The following PRLR variants were observed in gnomAD, a reference collection of about 807,000 sequenced individuals.
The protein encoded by PRLR is prolactin receptor.
PRLR carries 13 observed loss-of-function variants against 40.2 expected under a neutral mutation model. The observed-to-expected ratio is 0.32, with a 90% CI of 0.21 to 0.51. The LOEUF (loss-of-function observed/expected upper bound fraction) is 0.51. PRLR is among the 20% of genes least tolerant of loss of function. The pLI is 0.97. For missense variants in PRLR, 656 were observed against 747.3 expected, an observed-to-expected ratio of 0.88 and a Z score of 1.42; for synonymous variants, 269 against 278.7, an observed-to-expected ratio of 0.97 and a Z score of 0.35.
intron 1 of PRLR, among the ~76,000 whole-genome samples, chr5:35,218,122 G>A (rs1243188807): frequency 6.6e-6 from 1 of 152,160 alleles, no homozygotes; most frequent in Non-Finnish European, 1.5e-5. Flanking sequence ...ATTCACTGAT[G>A]TTGCCACTGC....
chr5:35,105,424 T>C (rs1772172133), intron 2 of PRLR, among the ~76,000 whole-genome samples: 2 of 152,146 alleles, frequency 1.3e-5, no homozygotes, highest in South Asian at 4.1e-4. Context: ...AATAACAAAC[T>C]TCTCTGAGCT....
At chr5:35,051,136 G>A (rs184151647), downstream of PRLR, among the ~76,000 whole-genome samples, 681 of 152,298 alleles carry the variant, frequency 4.5e-3, 8 homozygotes, top group African/African-American at 0.016. Context: ...CCGTGTTTTA[G>A]GAAGTAACAT....
intron 1 of PRLR, among the ~76,000 whole-genome samples, chr5:35,219,717 A>G (rs1489586007): frequency 1.3e-5 from 2 of 152,380 alleles, no homozygotes; most frequent in Non-Finnish European, 2.9e-5. Flanking sequence ...CTTACGAGAC[A>G]GGATGAAATT....
intron 5 of PRLR, among the ~76,000 whole-genome samples, chr5:35,083,102 C>A (rs573466045): frequency 2.6e-4 from 39 of 147,910 alleles, no homozygotes; most frequent in East Asian, 8.0e-4. Flanking sequence ...CACACACACA[C>A]CACACTTATA....
At chr5:35,163,999 A>G (rs1774749214) in intron 1 of PRLR, among the ~76,000 whole-genome samples, 1 of 152,246 alleles carries the variant, frequency 6.6e-6, no homozygotes, top group African/African-American at 2.4e-5. Context: ...CAATTCATAT[A>G]CTGAAAACAT....
intron 1 of PRLR, among the ~76,000 whole-genome samples, chr5:35,146,243 T>C (rs1178792057): frequency 2.6e-5 from 4 of 152,156 alleles, no homozygotes; most frequent in South Asian, 4.1e-4. Flanking sequence ...AGAGTATATA[T>C]AGATAAAACA....
chr5:35,124,794 A>G (rs1773402922), intron 1 of PRLR, among the ~76,000 whole-genome samples: 1 of 152,188 alleles, frequency 6.6e-6, no homozygotes, highest in African/African-American at 2.4e-5. Flanking sequence ...ACCAGTCAAT[A>G]GATTAACAGG....
At chr5:35,212,210 A>T (rs553713423) in intron 1 of PRLR, among the ~76,000 whole-genome samples, 2 of 152,352 alleles carry the variant, frequency 1.3e-5, no homozygotes, top group East Asian at 3.9e-4. Flanking sequence ...GTAGAGTCTG[A>T]AAAAATACCC....
At chr5:35,188,076 G>A (rs960844812) in intron 1 of PRLR, among the ~76,000 whole-genome samples, 2 of 152,170 alleles carry the variant, frequency 1.3e-5, no homozygotes, top group Non-Finnish European at 2.9e-5. Flanking sequence ...GGCAGGTGCT[G>A]TCTCCTTAAT....
chr5:35,150,430 G>A (rs62355490), intron 1 of PRLR, among the ~76,000 whole-genome samples: 59,599 of 152,106 alleles, frequency 0.39, 14,307 homozygotes, highest in Non-Finnish European at 0.55. Flanking sequence ...CTAGACTTAC[G>A]CATTCTTTGC....
chr5:35,131,312 C>T (rs374520668), intron 1 of PRLR, among the ~76,000 whole-genome samples: 1 of 152,098 alleles, frequency 6.6e-6, no homozygotes, highest in African/African-American at 2.4e-5. Flanking sequence ...CCTATCAACT[C>T]CAAAGGGGAT....
chr5:35,065,113 T>C lies in PRLR; in HGVS notation c.1845A>G (p.Ala615=). 1.9e-6 allele frequency: 3 copies of C among 1,613,122 alleles called. No individual in the cohort carries two copies. The highest frequency in any genetic ancestry group is 1.1e-5 in the South Asian group (1 of 91,006). Residue 615 remains alanine (A), a synonymous_variant, in exon 10 of 10, where the codon GCA becomes GCG. Transcript: ENST00000618457. Reference sequence around the variant, plus strand: ...ATCAGTGAAAGGAGTGTGTAAAACATGCGGGATCCAGGTAATCCAAACCAC... The same window carrying C: ...ATCAGTGAAAGGAGTGTGTAAAACACGCGGGATCCAGGTAATCCAAACCAC... ...QLGGLDYLDP[A]CFTHSFH is the part of the protein sequence containing the mutation.
chr5:35,125,004 T>A (rs1773410134), intron 1 of PRLR, among the ~76,000 whole-genome samples: 1 of 152,202 alleles, frequency 6.6e-6, no homozygotes, highest in African/African-American at 2.4e-5. Context: ...AAGGCCACAG[T>A]ACTGGTTATT....
rs536261139 is a variant in PRLR at position 35,193,856 on chromosome 5, C to T, written c.-106+36412G>A. On this transcript the variant is annotated intron_variant, in intron 1 of 9. Coordinates refer to ENST00000618457, the MANE Select transcript of PRLR (RefSeq NM_000949.7). Reference sequence around the variant, plus strand: ...GATGCCTTGTGATTGGGTTGAAAGACGAGTGCATGGAGAGCTGGATTCTTA... The same window carrying T: ...GATGCCTTGTGATTGGGTTGAAAGATGAGTGCATGGAGAGCTGGATTCTTA... 2.4e-4 allele frequency among the ~76,000 whole-genome samples: 37 copies of T among 151,656 alleles called. 1 individual carries two copies. In the South Asian group the frequency reaches 2.7e-3, roughly 11 times the overall value.
intron 5 of PRLR, among the ~76,000 whole-genome samples, chr5:35,077,655 A>G (rs1057238597): frequency 8.5e-5 from 13 of 152,162 alleles, no homozygotes; most frequent in African/African-American, 3.1e-4. Flanking sequence ...CGACACAGAA[A>G]GTTAACAAGG....
chr5:35,130,690 T>C, intron 1 of PRLR, among the ~76,000 whole-genome samples: 1 of 152,184 alleles, frequency 6.6e-6, no homozygotes, highest in Middle Eastern at 3.2e-3. Context: ...ATGGGTTGAA[T>C]TGCATCCTCC....
chr5:35,112,405 T>G (rs1772716173), intron 2 of PRLR, among the ~76,000 whole-genome samples: 1 of 152,074 alleles, frequency 6.6e-6, no homozygotes, highest in South Asian at 2.1e-4. Context: ...AGAAGCTGGG[T>G]GCTTGTTTTA....
chr5:35,163,458 C>G (rs759651796), intron 1 of PRLR, among the ~76,000 whole-genome samples: 6 of 152,106 alleles, frequency 3.9e-5, no homozygotes, highest in Non-Finnish European at 8.8e-5. Flanking sequence ...TGAGGAGCAG[C>G]TAGGATGCGA....
At chr5:35,206,120 A>T (rs1776009501) in intron 1 of PRLR, among the ~76,000 whole-genome samples, 1 of 152,116 alleles carries the variant, frequency 6.6e-6, no homozygotes, top group Admixed American at 6.5e-5. Flanking sequence ...AAAGTAAGGA[A>T]GGAAAAGAGT....
Sources: gnomAD v4.1 joint callset for allele counts (sites outside exome capture counted in the v4.1 genomes callset) on GRCh38, gnomAD v4.1.1 for gene constraint, MANE v1.5 for transcripts, NCBI Gene and HGNC (gene_info 2026-07-23, HGNC 2026-07-21) for gene names.